Variants in STAU1 observed in about 807,000 individuals in gnomAD.
The protein encoded by STAU1 is double-stranded RNA-binding protein Staufen homolog 1.
In STAU1, 13 loss-of-function variants were observed where a neutral mutation model predicts 62.9. That is an observed-to-expected ratio of 0.21 (90% confidence interval 0.13 to 0.33). The LOEUF (loss-of-function observed/expected upper bound fraction) is 0.33. Ranked by LOEUF, STAU1 falls within the 10% of genes least tolerant of loss-of-function variation. STAU1 has a pLI of 1.00. For missense variants in STAU1, 571 were observed against 712.1 expected (o/e 0.80, Z 2.25); for synonymous variants, 269 against 265.1 (o/e 1.01, Z -0.14).
intron 9 of STAU1, 143 bp from the exon 10 acceptor site, chr20:49,118,551 T>G: frequency 3.1e-6 from 2 of 654,434 alleles, no homozygotes; most frequent in Non-Finnish European, 5.2e-6. Flanking sequence ...ACCTGACCAC[T>G]GGCACCCTGA....
intron 6 of STAU1, among the ~76,000 whole-genome samples, chr20:49,128,497 C>T (rs570084301): frequency 6.6e-6 from 1 of 152,184 alleles, no homozygotes; most frequent in Admixed American, 6.5e-5. Context: ...ATGGCCAAGA[C>T]CATTTCTATT....
the STAU1 span, among the ~76,000 whole-genome samples, chr20:49,209,215 G>A: frequency 6.7e-6 from 1 of 150,124 alleles, no homozygotes; most frequent in East Asian, 2.0e-4. Flanking sequence ...GATTATGGGT[G>A]TAAGCCACCG....
the STAU1 span, among the ~76,000 whole-genome samples, chr20:49,211,414 A>G: frequency 6.7e-6 from 1 of 150,088 alleles, no homozygotes; most frequent in African/African-American, 2.5e-5. Context: ...TATGTTACCC[A>G]GGCTGGAGTG....
chr20:49,145,731 A>G (rs988717294), intron 5 of STAU1, among the ~76,000 whole-genome samples: 2 of 151,648 alleles, frequency 1.3e-5, no homozygotes, highest in African/African-American at 4.8e-5. Context: ...TCCGTCTTAA[A>G]AAAAAAAAAG....
chr20:49,214,832 G>C, the STAU1 span, among the ~76,000 whole-genome samples: 1 of 152,172 alleles, frequency 6.6e-6, no homozygotes, highest in South Asian at 2.1e-4. Context: ...ACCTCCTAAT[G>C]CATCAGTTGG....
At chr20:49,217,445 A>G in the STAU1 span, among the ~76,000 whole-genome samples, 1 of 152,244 alleles carries the variant, frequency 6.6e-6, no homozygotes, top group African/African-American at 2.4e-5. Context: ...TTTGAAAACT[A>G]TTAGATGAAA....
At chr20:49,131,530 A>C (rs1402141799) in intron 6 of STAU1, among the ~76,000 whole-genome samples, 1 of 152,192 alleles carries the variant, frequency 6.6e-6, no homozygotes, top group Admixed American at 6.5e-5. Flanking sequence ...AACAGAAAAT[A>C]ATATGTATAT....
intron 7 of STAU1, 42 bp downstream of exon 7, chr20:49,124,333 A>T: frequency 6.3e-7 from 1 of 1,598,346 alleles, no homozygotes; most frequent in East Asian, 2.2e-5. Context: ...CCACCCATCT[A>T]TAAGTAATGA....
At chr20:49,191,265 G>A (rs1277041989), upstream of STAU1, among the ~76,000 whole-genome samples, 1 of 152,078 alleles carries the variant, frequency 6.6e-6, no homozygotes, top group East Asian at 1.9e-4. Flanking sequence ...GGCCTCAGGT[G>A]ATCCACCCGC....
In STAU1 at chr20:49,124,599, G is replaced by C; in HGVS notation, c.610-12C>G. On this transcript the variant is annotated splice_polypyrimidine_tract_variant and intron_variant, in intron 6 of 13. Coordinates refer to ENST00000371856, the MANE Select transcript of STAU1 (RefSeq NM_017453.4). ...CTCTCCCGGGCCACCTGTTTCAGAG[G>C]GAAAGACTGAGTGAAAGCGGACAGA... The C allele has an allele frequency of 6.2e-7, 1 of 1,613,270 alleles. No homozygotes were observed. The highest frequency in any genetic ancestry group is 2.2e-5 in the East Asian group (1 of 44,884).
At chr20:49,167,315 C>A (rs911248050) in intron 2 of STAU1, among the ~76,000 whole-genome samples, 5 of 152,052 alleles carry the variant, frequency 3.3e-5, no homozygotes, top group Non-Finnish European at 7.4e-5. Context: ...ATTAGAAGTT[C>A]TATTATAAAG....
intron 5 of STAU1, among the ~76,000 whole-genome samples, chr20:49,148,135 T>A (rs1487954699): frequency 6.6e-6 from 1 of 152,192 alleles, no homozygotes; most frequent in Non-Finnish European, 1.5e-5. Context: ...GGGCAGCACA[T>A]TTACGAAAGA....
At chr20:49,131,984 G>GA (rs770345831) in intron 6 of STAU1, among the ~76,000 whole-genome samples, 35 of 151,610 alleles carry the variant, frequency 2.3e-4, no homozygotes, top group Non-Finnish European at 4.1e-4. Context: ...GTAAAAAATT[G>GA]AAAAAATGTC....
intron 1 of STAU1, among the ~76,000 whole-genome samples, chr20:49,177,330 G>A (rs1395486493): frequency 4.6e-5 from 7 of 151,840 alleles, no homozygotes; most frequent in Admixed American, 2.0e-4. Context: ...GAGCTCAGGT[G>A]TTTGAGACCA....
At chr20:49,160,636 G>C (rs1466749852) in intron 3 of STAU1, among the ~76,000 whole-genome samples, 1 of 152,122 alleles carries the variant, frequency 6.6e-6, no homozygotes, top group Admixed American at 6.5e-5. Context: ...CTGAATTCTT[G>C]AATAATGATT....
At chr20:49,189,560 C>A (rs1434378698), upstream of STAU1, among the ~76,000 whole-genome samples, 2 of 138,744 alleles carry the variant, frequency 1.4e-5, no homozygotes, top group African/African-American at 5.5e-5. Flanking sequence ...ACGGAGGTTG[C>A]AGTGAGCCGA....
At chr20:49,197,286 A>G in the STAU1 span, among the ~76,000 whole-genome samples, 1 of 151,038 alleles carries the variant, frequency 6.6e-6, no homozygotes, top group South Asian at 2.1e-4. Context: ...ACGAGGAAGG[A>G]CCCCATAAAG....
chr20:49,166,334 T>G, intron 2 of STAU1, 49 bp from the exon 3 acceptor site: 4 of 718,840 alleles, frequency 5.6e-6, no homozygotes, highest in Non-Finnish European at 9.1e-6. Context: ...ATAGAGGAGA[T>G]ATGTAATTGC....
chr20:49,131,514 G>GT (rs1270083902), intron 6 of STAU1, among the ~76,000 whole-genome samples: 1 of 152,088 alleles, frequency 6.6e-6, no homozygotes, highest in Non-Finnish European at 1.5e-5. Context: ...ATCCAGCAAA[G>GT]TAAAAAACAG....
Sources: gnomAD v4.1 joint callset for allele counts (sites outside exome capture counted in the v4.1 genomes callset) on GRCh38, gnomAD v4.1.1 for gene constraint, MANE v1.5 for transcripts, NCBI Gene and HGNC (gene_info 2026-07-23, HGNC 2026-07-21) for gene names.